Variants in C10orf90 observed in about 807,000 individuals in gnomAD.
The protein encoded by C10orf90 is chromosome 10 open reading frame 90.
Under a neutral mutation model 62.5 loss-of-function variants are expected in C10orf90, and 56 were observed. That is an observed-to-expected ratio of 0.90 (90% CI 0.72 to 1.12). The LOEUF (loss-of-function observed/expected upper bound fraction) is 1.12. Ranked by LOEUF, C10orf90 falls within the 50% of genes most tolerant of loss-of-function variation. C10orf90 has a pLI of 0.00. For synonymous variants in C10orf90, 386 were observed against 340.4 expected, an observed-to-expected ratio of 1.13 and a Z score of -1.47; for missense variants, 970 against 880.4, an observed-to-expected ratio of 1.10 and a Z score of -1.29.
intron 4 of C10orf90, among the ~76,000 whole-genome samples, chr10:126,481,278 C>T (rs1861148598): frequency 6.6e-6 from 1 of 152,254 alleles, no homozygotes; most frequent in East Asian, 1.9e-4. Flanking sequence ...TGAAATATCT[C>T]ACTTGGAAGT....
chr10:126,631,330 C>A (rs1298139363), intron 2 of C10orf90, among the ~76,000 whole-genome samples: 1 of 152,096 alleles, frequency 6.6e-6, no homozygotes, highest in Non-Finnish European at 1.5e-5. Flanking sequence ...TATCTTGGCT[C>A]CTTGAACACA....
chr10:126,542,163 G>A (rs1049885258), intron 2 of C10orf90, among the ~76,000 whole-genome samples: 1 of 152,160 alleles, frequency 6.6e-6, no homozygotes, highest in African/African-American at 2.4e-5. Flanking sequence ...AGTACTGGGG[G>A]AAATAGGGAC....
At chr10:126,571,293 A>C (rs1836942) in intron 2 of C10orf90, among the ~76,000 whole-genome samples, 142,807 of 152,248 alleles carry the variant, frequency 0.94, 67,212 homozygotes, top group Middle Eastern at 0.99. Flanking sequence ...GCTCCCACAA[A>C]CTTGTCCAGG....
At chr10:126,440,865 C>A (rs1858269745) in intron 7 of C10orf90, among the ~76,000 whole-genome samples, 1 of 152,098 alleles carries the variant, frequency 6.6e-6, no homozygotes, top group Non-Finnish European at 1.5e-5. Context: ...AAGGGAACAC[C>A]CTGTGGGACA....
chr10:126,586,879 C>T (rs927477985), intron 2 of C10orf90, among the ~76,000 whole-genome samples: 1 of 152,174 alleles, frequency 6.6e-6, no homozygotes, highest in African/African-American at 2.4e-5. Flanking sequence ...AGGGATCTGA[C>T]TCAGTGGATG....
intron 2 of C10orf90, among the ~76,000 whole-genome samples, chr10:126,580,161 G>A (rs2134014494): frequency 6.6e-6 from 1 of 152,222 alleles, no homozygotes; most frequent in East Asian, 1.9e-4. Context: ...AGGGGCATAG[G>A]GTCTGGTAAA....
At chr10:126,615,601 T>C (rs1486602935) in intron 2 of C10orf90, among the ~76,000 whole-genome samples, 3 of 152,246 alleles carry the variant, frequency 2.0e-5, no homozygotes, top group Non-Finnish European at 4.4e-5. Flanking sequence ...AATGGTTATG[T>C]TTTACCCCCC....
intron 4 of C10orf90, among the ~76,000 whole-genome samples, chr10:126,497,222 G>A (rs1371201225): frequency 6.6e-6 from 1 of 152,190 alleles, no homozygotes; most frequent in African/African-American, 2.4e-5. Flanking sequence ...GCAAGCTGGA[G>A]GCCAAGGTTG....
chr10:126,518,140 C>G (rs187668906), intron 2 of C10orf90, among the ~76,000 whole-genome samples: 1 of 152,080 alleles, frequency 6.6e-6, no homozygotes, highest in African/African-American at 2.4e-5. Context: ...AAACCTGACC[C>G]GAGACAGGGT....
In C10orf90 at chr10:126,504,617, A is replaced by G. The variant is rs1445369503; in HGVS notation, c.874T>C (p.Cys292Arg). The G allele has an allele frequency of 1.2e-6, 2 of 1,614,114 alleles. No homozygotes were observed. The highest frequency in any genetic ancestry group is 1.7e-6 in the Non-Finnish European group (2 of 1,180,048). The change falls in exon 4 of 10, where the codon TGC becomes CGC. Residue 292 changes from cysteine to arginine, a missense_variant. Transcript: ENST00000488181. This position sits in a 1 kb window ranked among gnomAD's most constrained non-coding sequence, Gnocchi z 4.1. ...HPGRHQRSFA[C>R]TEFSRNSSVV... is the part of the protein sequence containing the mutation. Reference sequence around the variant, plus strand: ...GAGCTGTTTCTGGAGAACTCTGTGCAGGCAAAAGATCTCTGATGCCGACCT... The same window carrying G: ...GAGCTGTTTCTGGAGAACTCTGTGCGGGCAAAAGATCTCTGATGCCGACCT...
At chr10:126,650,597 C>T (rs1846272414) in intron 1 of C10orf90, among the ~76,000 whole-genome samples, 1 of 152,124 alleles carries the variant, frequency 6.6e-6, no homozygotes, top group South Asian at 2.1e-4. Flanking sequence ...CTATTAGAAT[C>T]AGTCCTAGGG....
At chr10:126,497,051 G>C (rs1240828365) in intron 4 of C10orf90, among the ~76,000 whole-genome samples, 1 of 152,220 alleles carries the variant, frequency 6.6e-6, no homozygotes, top group Non-Finnish European at 1.5e-5. Flanking sequence ...CGCAGAACCA[G>C]AGAAGAGCCC....
chr10:126,602,565 G>A (rs984260801), intron 2 of C10orf90, among the ~76,000 whole-genome samples: 1 of 152,152 alleles, frequency 6.6e-6, no homozygotes, highest in African/African-American at 2.4e-5. Flanking sequence ...CCCTTTAAAG[G>A]TGGGAGCAGC....
chr10:126,578,747 G>T (rs1202615011), intron 2 of C10orf90, among the ~76,000 whole-genome samples: 1 of 152,138 alleles, frequency 6.6e-6, no homozygotes, highest in Non-Finnish European at 1.5e-5. Context: ...TTTGCACAAA[G>T]AAATTTCTCT....
chr10:126,506,028 G>A (rs1015342600), intron 3 of C10orf90, among the ~76,000 whole-genome samples: 2 of 152,134 alleles, frequency 1.3e-5, no homozygotes, highest in South Asian at 2.1e-4. Context: ...CAACACTATG[G>A]CAATCAGATG....
At chr10:126,622,675 C>T (rs1300409632) in intron 2 of C10orf90, among the ~76,000 whole-genome samples, 1 of 152,212 alleles carries the variant, frequency 6.6e-6, no homozygotes, top group East Asian at 1.9e-4. Context: ...CTCTCACCCA[C>T]TCTGCCCACT....
chr10:126,666,412 T>C (rs552090764), intron 1 of C10orf90, among the ~76,000 whole-genome samples: 17 of 152,256 alleles, frequency 1.1e-4, no homozygotes, highest in Admixed American at 9.8e-4. Context: ...AATTACCTAG[T>C]GTGCAAAGAA....
chr10:126,644,029 C>CCTCA (rs577007572), intron 2 of C10orf90, among the ~76,000 whole-genome samples: 114 of 152,324 alleles, frequency 7.5e-4, no homozygotes, highest in African/African-American at 2.7e-3. Context: ...CTTGACTAGG[C>CCTCA]CTCACCCTTG....
chr10:126,523,325 C>T (rs1382276311), intron 2 of C10orf90, among the ~76,000 whole-genome samples: 1 of 152,184 alleles, frequency 6.6e-6, no homozygotes, highest in Non-Finnish European at 1.5e-5. Context: ...CGTGAAAGCA[C>T]CCCGCTCATG....
Sources: allele counts gnomAD v4.1 joint callset (sites outside exome capture counted in the v4.1 genomes callset), GRCh38; gene constraint gnomAD v4.1.1; non-coding constraint Gnocchi (gnomAD v3.1); transcripts MANE v1.5; gene names NCBI Gene and HGNC (gene_info 2026-07-23, HGNC 2026-07-21).